The following MYO1B variants were observed in gnomAD, a reference collection of about 807,000 sequenced individuals.
MYO1B encodes the protein myosin IB, also known as unconventional myosin-Ib.
Under a neutral mutation model 159.7 loss-of-function variants are expected in MYO1B, and 72 were observed. The observed-to-expected ratio is 0.45, with a 90% CI of 0.37 to 0.55. The LOEUF (loss-of-function observed/expected upper bound fraction) is 0.55, where lower values mean the gene tolerates loss of function less well. Among genes scored for constraint, MYO1B ranks in the 20% least tolerant of loss-of-function variants. The pLI is 0.00. For missense variants in MYO1B, 1,062 were observed against 1,364.8 expected (o/e 0.78, Z 3.50); for synonymous variants, 468 against 473.8 (o/e 0.99, Z 0.16).
intron 17 of MYO1B, chr2:191,388,135 T>C (rs1695507673): frequency 6.6e-6 from 1 of 151,110 alleles, no homozygotes; most frequent in South Asian, 2.1e-4. Flanking sequence ...AATATAAAAA[T>C]TAGCTGGGCG....
chr2:191,371,494 A>T (rs1277123303), intron 13 of MYO1B, among the ~76,000 whole-genome samples: 1 of 152,176 alleles, frequency 6.6e-6, no homozygotes, highest in African/African-American at 2.4e-5. Flanking sequence ...CTCATGAAGT[A>T]GCTGTTATTA....
chr2:191,350,202 C>T lies in MYO1B; in HGVS notation c.539C>T (p.Pro180Leu), dbSNP rs1574485360. ...MDIEFDFKGD[P>L]LGGVISNYLL... ...ATTGAATTTGACTTTAAAGGCGATC[C>T]ACTAGGAGGAGTAATAAGTAACTGT... Residue 180 changes from proline (P) to leucine (L), a missense_variant, in exon 7 of 31, where the codon CCA (proline) becomes CTA (leucine). Transcript: ENST00000392318. The T allele has an allele frequency of 6.2e-7, 1 of 1,612,548 alleles. No homozygotes were observed. The highest frequency in any genetic ancestry group is 1.7e-5 in the Admixed American group (1 of 59,960).
chr2:191,285,174 A>G (rs1466373850), intron 2 of MYO1B, among the ~76,000 whole-genome samples: 2 of 152,220 alleles, frequency 1.3e-5, no homozygotes, highest in African/African-American at 4.8e-5. Flanking sequence ...AGTCTGGAGA[A>G]TGGTATATAT....
chr2:191,325,705 G>A lies in MYO1B; in HGVS notation c.252-4230G>A, dbSNP rs564496017. 3.9e-5 allele frequency among the ~76,000 whole-genome samples: 6 copies of A among 152,226 alleles called. No individual in the cohort carries two copies. In the East Asian group the frequency reaches 1.2e-3, roughly 29 times the overall value. On this transcript the variant is annotated intron_variant, in intron 3 of 30. Transcript: ENST00000392318. The stretch of plus-strand genomic sequence containing the variant: ...AGAACATGGAGCTTTGGGAAAAGAA[G>A]CCCTGCCATTGTGTCTGATGGCCAT...
intron 1 of MYO1B, among the ~76,000 whole-genome samples, chr2:191,254,563 T>C (rs1310087986): frequency 6.6e-6 from 1 of 151,822 alleles, no homozygotes; most frequent in Non-Finnish European, 1.5e-5. Context: ...TGGAATGCAA[T>C]GGCATGATCG....
intron 30 of MYO1B, among the ~76,000 whole-genome samples, chr2:191,418,202 A>G (rs1245417045): frequency 6.6e-6 from 1 of 152,176 alleles, no homozygotes; most frequent in African/African-American, 2.4e-5. Flanking sequence ...GTAGGTAAGG[A>G]TCGTAAATCT....
In MYO1B at chr2:191,296,196, A is replaced by G. The variant is rs1688973037; in HGVS notation, c.221A>G (p.Asn74Ser). 6.2e-7 allele frequency: 1 copy of G among 1,609,486 alleles called. No individual in the cohort carries two copies. Among genetic ancestry groups the G allele is most frequent in the Non-Finnish European group, 8.5e-7 (1 of 1,176,802 alleles). Reference protein sequence around the residue: ...YSPEKVEEYRNRNFYELSPHI... With the variant: ...YSPEKVEEYRSRNFYELSPHI... ...CCAGAGAAAGTGGAAGAATACAGGAACAGAAATTTTTATGAACTGAGCCCT... is the reference window on the plus strand; with the variant it reads ...CCAGAGAAAGTGGAAGAATACAGGAGCAGAAATTTTTATGAACTGAGCCCT... Residue 74 changes from asparagine to serine, a missense_variant, in exon 3 of 31, where the codon AAC (asparagine) becomes AGC (serine). By Grantham distance (46) the Asn-to-Ser change is conservative. Transcript: ENST00000392318.
chr2:191,345,887 A>G (rs1331342683), intron 5 of MYO1B, among the ~76,000 whole-genome samples: 1 of 152,262 alleles, frequency 6.6e-6, no homozygotes, highest in Admixed American at 6.5e-5. Context: ...TTCAGTGATG[A>G]TAATCCTAGA....
At chr2:191,327,773 G>GCT (rs1191915639) in intron 3 of MYO1B, among the ~76,000 whole-genome samples, 15 of 152,184 alleles carry the variant, frequency 9.9e-5, no homozygotes, top group Non-Finnish European at 2.2e-4. Flanking sequence ...AAAGGAACAA[G>GCT]CTAGAACAAG....
chr2:191,419,096 G>A (rs1357435863), intron 30 of MYO1B, among the ~76,000 whole-genome samples: 2 of 152,228 alleles, frequency 1.3e-5, no homozygotes, highest in Non-Finnish European at 2.9e-5. Context: ...TGTTTGTGCT[G>A]CTGCTGGTGT....
At position 191,378,363 on chromosome 2, in the gene MYO1B, G is replaced by A. The variant is rs571356006; in HGVS notation, c.1186-3099G>A. On this transcript the variant is annotated intron_variant, in intron 13 of 30. Transcript: ENST00000392318. ...CAGGCAGGCTGAGTCTGAAAAGAGA[G>A]TCAGCAAAGGGTGGTGGGATTATCA... 2.0e-5 allele frequency among the ~76,000 whole-genome samples: 3 copies of A among 152,218 alleles called. No individual in the cohort carries two copies. In the South Asian group the frequency reaches 6.2e-4, roughly 32 times the overall value.
chr2:191,306,335 C>A (rs13382985), intron 3 of MYO1B, among the ~76,000 whole-genome samples: 59,951 of 151,856 alleles, frequency 0.39, 11,976 homozygotes, highest in Middle Eastern at 0.53. Context: ...CGAGCTAGAA[C>A]AGCATGGCAC....
intron 1 of MYO1B, among the ~76,000 whole-genome samples, chr2:191,264,872 T>G (rs1687036344): frequency 6.6e-6 from 1 of 151,802 alleles, no homozygotes; most frequent in African/African-American, 2.4e-5. Context: ...TCAACAGCGT[T>G]GGAAGCTGGG....
chr2:191,344,856 CAAA>C (rs1692466715), intron 5 of MYO1B, among the ~76,000 whole-genome samples: 1 of 129,104 alleles, frequency 7.7e-6, no homozygotes, highest in African/African-American at 3.0e-5. Flanking sequence ...AAAAAAGAAT[CAAA>C]AACACGAAAA....
At chr2:191,275,897 A>G (rs73058655) in intron 1 of MYO1B, among the ~76,000 whole-genome samples, 2,198 of 152,330 alleles carry the variant, frequency 0.014, 53 homozygotes, top group African/African-American at 0.05. Flanking sequence ...ATGCTCAGAA[A>G]TTTGAAAGAT....
chr2:191,256,544 G>C (rs776883385), intron 1 of MYO1B, among the ~76,000 whole-genome samples: 1 of 152,062 alleles, frequency 6.6e-6, no homozygotes, highest in African/African-American at 2.4e-5. Flanking sequence ...GATTTCATAC[G>C]AGGGACCCCT....
At chr2:191,333,772 C>T (rs1020947716) in intron 4 of MYO1B, among the ~76,000 whole-genome samples, 4 of 152,182 alleles carry the variant, frequency 2.6e-5, no homozygotes, top group Non-Finnish European at 4.4e-5. Context: ...ACATGGGCAT[C>T]TTGAGAAAAT....
chr2:191,325,832 C>T lies in MYO1B; in HGVS notation c.252-4103C>T, dbSNP rs138736986. Among the ~76,000 whole-genome samples, 13 of 152,092 alleles carry T rather than the reference C, an allele frequency of 8.5e-5. No individual in the cohort carries two copies. In the East Asian group the frequency reaches 1.9e-3, roughly 23 times the overall value. ...GTGAACATGCAACCCAGCATTCCACCGTGACAGAAAATAACAGATGAGCCC... is the reference window on the plus strand; with the variant it reads ...GTGAACATGCAACCCAGCATTCCACTGTGACAGAAAATAACAGATGAGCCC... On this transcript the variant is annotated intron_variant, in intron 3 of 30. Coordinates refer to ENST00000392318, the MANE Select transcript of MYO1B (RefSeq NM_001130158.3).
At chr2:191,370,322 T>TAC (rs755389420) in intron 13 of MYO1B, 30 bp downstream of exon 13, 1 of 1,464,590 alleles carries the variant, frequency 6.8e-7, no homozygotes, top group Admixed American at 1.7e-5. Context: ...TTGTATTGTC[T>TAC]TTAGTAGAGT....
Sources: allele counts gnomAD v4.1 joint callset (sites outside exome capture counted in the v4.1 genomes callset), GRCh38; gene constraint gnomAD v4.1.1; transcripts MANE v1.5; gene names NCBI Gene and HGNC (gene_info 2026-07-23, HGNC 2026-07-21).